DTNB: variants seen among roughly 807,000 people sequenced by gnomAD.
The protein encoded by DTNB is DTN-B.
DTNB carries 63 observed loss-of-function variants against 90.7 expected under a neutral mutation model. That is an observed-to-expected ratio of 0.69 (90% CI 0.57 to 0.86). DTNB has a LOEUF of 0.86. DTNB is among the 40% of genes least tolerant of loss of function. DTNB has a pLI of 0.00. For synonymous variants in DTNB, 277 were observed against 286.7 expected, an observed-to-expected ratio of 0.97 and a Z score of 0.34; for missense variants, 744 against 807.1, an observed-to-expected ratio of 0.92 and a Z score of 0.95.
rs2074915629 is a variant in DTNB at position 25,628,380 on chromosome 2, A to G, written c.153T>C (p.His51=). ...CAATCATGTTCCAGATATCAACAAGATGAACTAAAAGACAAAGAAAATAAA... is the reference window on the plus strand; with the variant it reads ...CAATCATGTTCCAGATATCAACAAGGTGAACTAAAAGACAAAGAAAATAAA... ...LRFVQKRCNL[H]LVDIWNMIEA... The change falls in exon 4 of 21, where the codon CAT becomes CAC. Residue 51 remains histidine (H), a synonymous_variant. Coordinates refer to ENST00000406818, the MANE Select transcript of DTNB (RefSeq NM_021907.5). The G allele has an allele frequency of 6.2e-7, 1 of 1,612,294 alleles. No homozygotes were observed. The highest frequency in any genetic ancestry group is 1.3e-5 in the African/African-American group (1 of 74,876).
At chr2:25,380,153 T>G (rs2037197695) in intron 19 of DTNB, among the ~76,000 whole-genome samples, 1 of 152,220 alleles carries the variant, frequency 6.6e-6, no homozygotes, top group South Asian at 2.1e-4. Context: ...CACAGTTTCC[T>G]TATCGAGCAG....
chr2:25,539,926 A>C (rs1384547840), intron 8 of DTNB, among the ~76,000 whole-genome samples: 1 of 152,178 alleles, frequency 6.6e-6, no homozygotes, highest in Admixed American at 6.5e-5. Flanking sequence ...TTTGTCCTAC[A>C]TTTACTACTT....
chr2:25,427,414 C>G, intron 15 of DTNB, 121 bp downstream of exon 15: 2 of 900,566 alleles, frequency 2.2e-6, no homozygotes, highest in Non-Finnish European at 3.2e-6. Flanking sequence ...TATCTGAAAA[C>G]TGATTCTAGG....
intron 4 of DTNB, among the ~76,000 whole-genome samples, chr2:25,609,427 C>T (rs554104667): frequency 1.3e-5 from 2 of 151,932 alleles, no homozygotes; most frequent in South Asian, 4.2e-4. Context: ...GAAGAAACTC[C>T]GTCTCTACTA....
chr2:25,445,341 T>C (rs1040794188), intron 12 of DTNB, among the ~76,000 whole-genome samples: 19 of 152,218 alleles, frequency 1.2e-4, no homozygotes, highest in Admixed American at 1.3e-4. Flanking sequence ...TCTTCTATTC[T>C]GTTCCATTTC....
intron 8 of DTNB, among the ~76,000 whole-genome samples, chr2:25,544,692 A>C (rs486217): frequency 1.3e-5 from 2 of 151,982 alleles, no homozygotes; most frequent in African/African-American, 4.8e-5. Context: ...AACCTCACCT[A>C]GTAACTTCAG....
intron 2 of DTNB, among the ~76,000 whole-genome samples, chr2:25,641,189 G>A (rs1380535061): frequency 6.6e-6 from 1 of 152,126 alleles, no homozygotes; most frequent in African/African-American, 2.4e-5. Flanking sequence ...ACAGAGATTA[G>A]TAGGATGGCA....
chr2:25,435,903 G>A (rs2055589399), intron 12 of DTNB, among the ~76,000 whole-genome samples: 3 of 152,120 alleles, frequency 2.0e-5, no homozygotes, highest in South Asian at 4.1e-4. Context: ...TCATTGTAAG[G>A]CAATTCGTAT....
chr2:25,570,406 C>CAAAAAAAAAAAA (rs146251976), intron 8 of DTNB, among the ~76,000 whole-genome samples: 12 of 89,896 alleles, frequency 1.3e-4, no homozygotes, highest in East Asian at 3.5e-4. Context: ...TTTCCTGTCT[C>CAAAAAAAAAAAA]AAAAAAAAAA....
At chr2:25,451,525 C>A in intron 12 of DTNB, 23 bp downstream of exon 12, 1 of 1,593,258 alleles carries the variant, frequency 6.3e-7, no homozygotes, top group South Asian at 1.1e-5. Flanking sequence ...CTGCTACTCT[C>A]CTGGGATCCT....
In DTNB at chr2:25,651,106, T is replaced by TA. The variant is rs969509872; in HGVS notation, c.67+1487dup. Reference sequence around the variant, plus strand: ...TTTGGTTCAGAAAAGTACCAGTGATTAAAAAAAATTAGTAATAAACACAAC... The same window carrying TA: ...TTTGGTTCAGAAAAGTACCAGTGATTAAAAAAAAATTAGTAATAAACACAAC... On this transcript the variant is annotated intron_variant, in intron 2 of 20. Coordinates refer to ENST00000406818, the MANE Select transcript of DTNB (RefSeq NM_021907.5). 1.7e-3 allele frequency among the ~76,000 whole-genome samples: 260 copies of TA among 152,172 alleles called. 1 individual carries two copies. Among genetic ancestry groups the TA allele is most frequent in the African/African-American group, 6.1e-3 (252 of 41,530 alleles).
At chr2:25,635,161 G>C (rs2148799371) in intron 3 of DTNB, among the ~76,000 whole-genome samples, 1 of 152,152 alleles carries the variant, frequency 6.6e-6, no homozygotes, top group Non-Finnish European at 1.5e-5. Flanking sequence ...GGCTGGGAGT[G>C]GTGGCTCACA....
intron 1 of DTNB, among the ~76,000 whole-genome samples, chr2:25,662,484 C>T (rs2083379423): frequency 6.6e-6 from 1 of 152,076 alleles, no homozygotes; most frequent in Non-Finnish European, 1.5e-5. Context: ...AGAAGCAGGA[C>T]TGGGACTATG....
chr2:25,637,810 A>C (rs572866316), intron 3 of DTNB, among the ~76,000 whole-genome samples: 1 of 152,334 alleles, frequency 6.6e-6, no homozygotes, highest in East Asian at 1.9e-4. Context: ...GCGATTCCTC[A>C]AGGATCTAGA....
chr2:25,445,920 G>GAT (rs1553395678), intron 12 of DTNB, among the ~76,000 whole-genome samples: 13 of 137,088 alleles, frequency 9.5e-5, no homozygotes, highest in African/African-American at 8.0e-5. Context: ...ACCCTGGGTA[G>GAT]TTTTTTTTTT....
chr2:25,539,957 C>T (rs2080823420), intron 8 of DTNB, among the ~76,000 whole-genome samples: 1 of 151,976 alleles, frequency 6.6e-6, no homozygotes, highest in Admixed American at 6.6e-5. Flanking sequence ...TTTAATAGTC[C>T]ATTATTTAAT....
chr2:25,495,102 GT>G, intron 9 of DTNB, among the ~76,000 whole-genome samples: 1 of 151,854 alleles, frequency 6.6e-6, no homozygotes, highest in South Asian at 2.1e-4. Flanking sequence ...GTCTCGTTCT[GT>G]CACCCAGGCT....
chr2:25,652,692 T>C (rs2081205642), intron 1 of DTNB, 31 bp from the exon 2 acceptor site: 2 of 1,596,842 alleles, frequency 1.3e-6, no homozygotes, highest in Non-Finnish European at 8.5e-7. Context: ...AATAAACCAC[T>C]GTATAATTCG....
chr2:25,650,201 A>T, intron 2 of DTNB: 2 of 985,452 alleles, frequency 2.0e-6, no homozygotes, highest in Non-Finnish European at 2.4e-6. Context: ...GCCTCTTCTT[A>T]GTATCAGGAA....
Sources: allele counts gnomAD v4.1 joint callset (sites outside exome capture counted in the v4.1 genomes callset), GRCh38; gene constraint gnomAD v4.1.1; transcripts MANE v1.5; gene names NCBI Gene and HGNC (gene_info 2026-07-23, HGNC 2026-07-21).